INPPL1: variants seen among roughly 807,000 people sequenced by gnomAD.
The protein encoded by INPPL1 is phosphatidylinositol 3,4,5-trisphosphate 5-phosphatase 2.
Under a neutral mutation model 139.3 loss-of-function variants are expected in INPPL1, and 91 were observed. The ratio of observed to expected loss-of-function variants is 0.65; its 90% confidence interval spans 0.55 to 0.78. The LOEUF (loss-of-function observed/expected upper bound fraction) is 0.78. Ranked by LOEUF, INPPL1 falls within the 30% of genes least tolerant of loss-of-function variation. INPPL1 has a pLI of 0.00. For synonymous variants in INPPL1, 719 were observed against 686.6 expected (o/e 1.05, Z -0.74); for missense variants, 1,411 against 1,665.6 (o/e 0.85, Z 2.66).
At chr11:72,232,137 G>T in intron 13 of INPPL1, 103 bp from the exon 14 acceptor site, 1 of 912,080 alleles carries the variant, frequency 1.1e-6, no homozygotes, top group Non-Finnish European at 1.7e-6. Flanking sequence ...CGTCTGGTGG[G>T]CTCAGCGGGA....
intron 7 of INPPL1, 37 bp from the exon 8 acceptor site, chr11:72,229,887 G>A: frequency 6.3e-7 from 1 of 1,599,884 alleles, no homozygotes; most frequent in Non-Finnish European, 8.6e-7. Context: ...AGCCTTCAGT[G>A]TGTCCCCTGA....
rs9886 is a variant in INPPL1 at position 72,238,621 on chromosome 11, G to C, written c.*268G>C. The C allele has an allele frequency of 0.1, 31,563 of 313,596 alleles. 2,409 individuals are homozygous for C. The highest frequency in any genetic ancestry group is 0.26 in the African/African-American group (12,162 of 46,552). 19.4% of individuals were successfully genotyped at this position (313,596 alleles called of 1,614,324 possible). On this transcript the variant is annotated 3_prime_UTR_variant, in exon 28 of 28. Coordinates refer to ENST00000298229, the MANE Select transcript of INPPL1 (RefSeq NM_001567.4). ...ACCCTGGTTACTCTGGTGCTGTCCTGTTTTACTGGACCCCGCCTCCCAGCC... is the reference window on the plus strand; with the variant it reads ...ACCCTGGTTACTCTGGTGCTGTCCTCTTTTACTGGACCCCGCCTCCCAGCC...
At position 72,235,140 on chromosome 11, in the gene INPPL1, G is replaced by T. The variant is rs769039713; in HGVS notation, c.2440G>T (p.Glu814Ter). 1.2e-6 allele frequency: 2 copies of T among 1,613,892 alleles called. No homozygotes were observed. The change falls in exon 22 of 28, where the codon GAG becomes TAG. Residue 814 changes from glutamate to a stop codon, truncating the protein, a stop_gained. Coordinates refer to ENST00000298229, the MANE Select transcript of INPPL1 (RefSeq NM_001567.4). LOFTEE classifies it high-confidence loss of function. This position sits in a 1 kb window ranked among gnomAD's most constrained non-coding sequence, Gnocchi z 4.9. Reference protein sequence around the residue: ...PTLKPILADIEYLQDQHLLLT... With the variant: ...PTLKPILADI ...GCTCAAACCAATTCTGGCTGATATC[G>T]AGTACCTGCAGGACCAGCACCTCCT...
In INPPL1 at chr11:72,229,920, C is replaced by T; in HGVS notation, c.844-4C>T. On this transcript the variant is annotated splice_polypyrimidine_tract_variant and splice_region_variant and intron_variant, in intron 7 of 27. Coordinates refer to ENST00000298229, the MANE Select transcript of INPPL1 (RefSeq NM_001567.4). ...TGACCCCGCCCTGCCCTTGTTCCCT[C>T]CAGGCCCTGAAGGCCCTACAGGACA... is the stretch of plus-strand genomic sequence containing the variant. 4 of 1,613,716 alleles carry T rather than the reference C, an allele frequency of 2.5e-6. No individual in the cohort carries two copies. The highest frequency in any genetic ancestry group is 3.4e-6 in the Non-Finnish European group (4 of 1,179,704).
rs1949073147 is a variant in INPPL1 at position 72,238,698 on chromosome 11, C to G, written c.*345C>G. 5.5e-6 allele frequency: 1 copy of G among 180,302 alleles called. No individual in the cohort carries two copies. 11.2% of individuals were successfully genotyped at this position (180,302 alleles called of 1,614,324 possible). Reference sequence around the variant, plus strand: ...GGGTACGTCTGGGCCCCCACTTTCACCAGTTTCTGCGGCCTTCCACCGGGC... The same window carrying G: ...GGGTACGTCTGGGCCCCCACTTTCAGCAGTTTCTGCGGCCTTCCACCGGGC... On this transcript the variant is annotated 3_prime_UTR_variant, in exon 28 of 28. Transcript: ENST00000298229.
Position 72,228,631 on chromosome 11 carries a change from CCT to C in INPPL1, c.398-93_398-92del. 6.5e-7 allele frequency: 1 copy of C among 1,548,270 alleles called. No individual in the cohort carries two copies. The highest frequency in any genetic ancestry group is 8.7e-7 in the Non-Finnish European group (1 of 1,143,156). On this transcript the variant is annotated intron_variant, in intron 3 of 27. Coordinates refer to ENST00000298229, the MANE Select transcript of INPPL1 (RefSeq NM_001567.4). The surrounding 1 kb of genome is among the most constrained non-coding windows in gnomAD (Gnocchi z 5.0). Reference sequence around the variant, plus strand: ...GGCCATGATGCCGGGGCCCTTTAACCCTCTTTCCATGGAAGTCACTTTACAGC... The same window carrying C: ...GGCCATGATGCCGGGGCCCTTTAACCCTTTCCATGGAAGTCACTTTACAGC...
At chr11:72,236,143 G>C (rs1339243045) in intron 25 of INPPL1, among the ~76,000 whole-genome samples, 157 bp downstream of exon 25, 3 of 152,248 alleles carry the variant, frequency 2.0e-5, no homozygotes. Context: ...CCTGTGGCCA[G>C]CCAGGCCACC....
Position 72,225,055 on chromosome 11 carries a change from G to A in INPPL1, c.71G>A (p.Arg24His), listed in dbSNP as rs1001395700. 4.9e-6 allele frequency: 6 copies of A among 1,229,832 alleles called. No individual in the cohort carries two copies. Among genetic ancestry groups the A allele is most frequent in the Non-Finnish European group, 6.1e-6 (6 of 986,988 alleles). The allele number at this position is 1,229,832 out of a possible 1,614,324, so 76.2% of individuals were successfully genotyped here. Reference sequence around the variant, plus strand: ...AGCCAGGCCCCCTCCTGGTACCACCGCGACCTGAGCCGGGCGGCCGCGGAG... The same window carrying A: ...AGCCAGGCCCCCTCCTGGTACCACCACGACCTGAGCCGGGCGGCCGCGGAG... ...LGSQAPSWYH[R>H]DLSRAAAEEL... The change falls in exon 1 of 28, where the codon CGC (arginine) becomes CAC (histidine). Residue 24 changes from arginine to histidine, a missense_variant. By Grantham distance (29) the Arg-to-His change is conservative (BLOSUM62 0). Coordinates refer to ENST00000298229, the MANE Select transcript of INPPL1 (RefSeq NM_001567.4).
Position 72,237,121 on chromosome 11 carries a change from C to T in INPPL1, c.2880-3C>T. The T allele has an allele frequency of 6.4e-7, 1 of 1,572,442 alleles. No homozygotes were observed. The highest frequency in any genetic ancestry group is 8.7e-7 in the Non-Finnish European group (1 of 1,155,826). On this transcript the variant is annotated splice_region_variant and splice_polypyrimidine_tract_variant and intron_variant, in intron 25 of 27. Transcript: ENST00000298229. Reference sequence around the variant, plus strand: ...GGCTTAGTCGTTCTGCTTCCACACCCAGGTTGAAGCCAGAGGGAGCTCCTG... The same window carrying T: ...GGCTTAGTCGTTCTGCTTCCACACCTAGGTTGAAGCCAGAGGGAGCTCCTG...
At position 72,233,650 on chromosome 11, in the gene INPPL1, C is replaced by T. The variant is rs1948899789; in HGVS notation, c.2123-5C>T. On this transcript the variant is annotated splice_polypyrimidine_tract_variant and splice_region_variant and intron_variant, in intron 18 of 27. Transcript: ENST00000298229. ...TGAGTCCCCATTCCTATCCCCTCTC[C>T]CCAGGTTGCACTGATGACATCGTCA... 2 of 1,613,978 alleles carry T rather than the reference C, an allele frequency of 1.2e-6. No homozygotes were observed. The highest frequency in any genetic ancestry group is 1.7e-6 in the Non-Finnish European group (2 of 1,179,878).
chr11:72,231,000 A>G lies in INPPL1; in HGVS notation c.1308A>G (p.Val436=), dbSNP rs1341466219. The part of the protein sequence containing the change: ...VFIGTWNMGS[V]PPPKNVTSWF... ...CACCCCCTTCACCTCCAGGAAGTGT[A>G]CCACCTCCAAAAAACGTGACATCCT... Residue 436 remains valine, a synonymous_variant, in exon 12 of 28, where the codon GTA becomes GTG. Transcript: ENST00000298229. 1.2e-6 allele frequency: 2 copies of G among 1,613,402 alleles called. No homozygotes were observed. The highest frequency in any genetic ancestry group is 2.2e-5 in the South Asian group (2 of 91,032).
In INPPL1 at chr11:72,230,891, G is replaced by C. The variant is rs1948814205; in HGVS notation, c.1293G>C (p.Trp431Cys). Residue 431 changes from tryptophan to cysteine, a missense_variant, in exon 11 of 28, where the codon TGG becomes TGC. By Grantham distance (215) the Trp-to-Cys change is radical (BLOSUM62 -2). This residue lies in a region of INPPL1 where 504 missense variants were observed against 595.6 expected (regional missense o/e 0.85). Coordinates refer to ENST00000298229, the MANE Select transcript of INPPL1 (RefSeq NM_001567.4). ...TGATCTCAGTCTTCATAGGCACCTG[G>C]AACATGGGTCAGGCCCGGGCTGGGG... ...PDMISVFIGTWNMGSVPPPKN... is the reference protein window; with the variant it reads ...PDMISVFIGTCNMGSVPPPKN... 6.2e-7 allele frequency: 1 copy of C among 1,614,090 alleles called. No individual in the cohort carries two copies.
chr11:72,229,461 C>A lies in INPPL1; in HGVS notation c.660-4C>A. The A allele has an allele frequency of 5.6e-6, 9 of 1,613,810 alleles. No homozygotes were observed. Among genetic ancestry groups the A allele is most frequent in the Non-Finnish European group, 7.6e-6 (9 of 1,179,740 alleles). The stretch of plus-strand genomic sequence containing the variant: ...GAGTTCTTTTGATCTGATGTCTTCC[C>A]TAGTGAGGTGGACAAGGTCCTGTCA... On this transcript the variant is annotated splice_polypyrimidine_tract_variant and splice_region_variant and intron_variant, in intron 5 of 27. Transcript: ENST00000298229.
chr11:72,234,725 G>C lies in INPPL1; in HGVS notation c.2415+110G>C, dbSNP rs1948933549. 5 of 691,394 alleles carry C rather than the reference G, an allele frequency of 7.2e-6. No individual in the cohort carries two copies. In the South Asian group the frequency reaches 8.6e-5, roughly 12 times the overall value. The allele number at this position is 691,394 out of a possible 1,614,324, so 42.8% of individuals were successfully genotyped here. Reference sequence around the variant, plus strand: ...GGAGTGTGGGGCCAGCAGAGAGAGAGAGAGAGAGTGTGTGTGTGTGTGTGT... The same window carrying C: ...GGAGTGTGGGGCCAGCAGAGAGAGACAGAGAGAGTGTGTGTGTGTGTGTGT... On this transcript the variant is annotated intron_variant, in intron 21 of 27. Transcript: ENST00000298229. The surrounding 1 kb of genome is among the most constrained non-coding windows in gnomAD (Gnocchi z 4.2).
At position 72,237,814 on chromosome 11, in the gene INPPL1, G is replaced by A. The variant is rs2135448753; in HGVS notation, c.3552+18G>A. 6.3e-7 allele frequency: 1 copy of A among 1,581,194 alleles called. No individual in the cohort carries two copies. The highest frequency in any genetic ancestry group is 2.3e-5 in the East Asian group (1 of 43,104). The stretch of plus-strand genomic sequence containing the variant: ...CAGAGGAGGTGTGTGGAGCAGGGTG[G>A]CTGTCTGTGTGTGCCTGAGTGTGCT... On this transcript the variant is annotated intron_variant, in intron 26 of 27. Coordinates refer to ENST00000298229, the MANE Select transcript of INPPL1 (RefSeq NM_001567.4).
At chr11:72,226,177 CTTTTTT>C (rs772547413) in intron 1 of INPPL1, among the ~76,000 whole-genome samples, 1 of 129,820 alleles carries the variant, frequency 7.7e-6, no homozygotes, top group Admixed American at 7.6e-5. Context: ...CAGGGGAGAC[CTTTTTT>C]TTTTTTTTTT....
In INPPL1 at chr11:72,238,045, C is replaced by T; in HGVS notation, c.3556C>T (p.Pro1186Ser). ...SIQEDLAEEA[P>S]CLQGGRASGL... ...CTGACATGCCCTGTTTCCTTAGGCTCCGTGCCTGCAGGGCGGGCGGGCCAG... is the reference window on the plus strand; with the variant it reads ...CTGACATGCCCTGTTTCCTTAGGCTTCGTGCCTGCAGGGCGGGCGGGCCAG... The change falls in exon 27 of 28, where the codon CCG (proline) becomes TCG (serine). Residue 1186 changes from proline (P) to serine (S), a missense_variant. Pro to Ser is a moderately conservative substitution (Grantham distance 74, BLOSUM62 -1). Around this residue, in one of 5 missense-constraint regions of INPPL1, gnomAD observed 438 missense variants for 425.7 expected, o/e 1.03. Coordinates refer to ENST00000298229, the MANE Select transcript of INPPL1 (RefSeq NM_001567.4). 2 of 1,546,360 alleles carry T rather than the reference C, an allele frequency of 1.3e-6. No individual in the cohort carries two copies. The highest frequency in any genetic ancestry group is 2.5e-5 in the South Asian group (2 of 79,788).
In INPPL1 at chr11:72,235,815, A is replaced by G. The variant is rs751741575; in HGVS notation, c.2739-31A>G. The stretch of plus-strand genomic sequence containing the variant: ...TACCTGGGGGCATCTGGTCAACCCC[A>G]CTTCATCTCTCTCCTGTGCATCCCT... On this transcript the variant is annotated intron_variant, in intron 24 of 27. Transcript: ENST00000298229. The surrounding 1 kb of genome is among the most constrained non-coding windows in gnomAD (Gnocchi z 4.9). 95 of 1,612,994 alleles carry G rather than the reference A, an allele frequency of 5.9e-5. No homozygotes were observed. The highest frequency in any genetic ancestry group is 7.9e-5 in the Non-Finnish European group (93 of 1,179,596).
At chr11:72,236,953 C>T (rs1428306009) in intron 25 of INPPL1, among the ~76,000 whole-genome samples, 171 bp from the exon 26 acceptor site, 1 of 152,142 alleles carries the variant, frequency 6.6e-6, no homozygotes, top group Non-Finnish European at 1.5e-5. Flanking sequence ...GGTTATCCTC[C>T]CTCTGACCTT....
Sources: allele counts gnomAD v4.1 joint callset (sites outside exome capture counted in the v4.1 genomes callset), GRCh38; gene constraint gnomAD v4.1.1; regional missense constraint gnomAD v4.1.1; non-coding constraint Gnocchi (gnomAD v3.1); transcripts MANE v1.5; gene names NCBI Gene and HGNC (gene_info 2026-07-23, HGNC 2026-07-21).